The following MX1 variants were observed in gnomAD, a reference collection of about 807,000 sequenced individuals.
The protein encoded by MX1 is MX dynamin like GTPase 1.
A neutral mutation model predicts 66.4 loss-of-function variants in MX1; 66 were observed. That is an observed-to-expected ratio of 0.99 (90% CI 0.82 to 1.22). The LOEUF (loss-of-function observed/expected upper bound fraction) is 1.22, where lower values mean the gene tolerates loss of function less well. Ranked by LOEUF, MX1 falls within the 50% of genes most tolerant of loss-of-function variation. The pLI is 0.00. For synonymous variants in MX1, 311 were observed against 318.1 expected (o/e 0.98, Z 0.24); for missense variants, 787 against 834.3 (o/e 0.94, Z 0.70).
Position 41,452,704 on chromosome 21 carries a change from C to T in MX1, c.1593C>T (p.Val531=). 1.2e-6 allele frequency: 2 copies of T among 1,614,180 alleles called. No individual in the cohort carries two copies. Residue 531 remains valine (V), a synonymous_variant, in exon 16 of 17, where the codon GTC becomes GTT. Coordinates refer to ENST00000398598, the MANE Select transcript of MX1 (RefSeq NM_002462.5). ...IRLHFQMEQI[V]YCQDQVYRGA... ...TCCACTTCCAGATGGAACAGATTGT[C>T]TACTGCCAGGACCAGGTATACAGGG...
At chr21:41,456,064 A>G (rs770410462) in intron 16 of MX1, among the ~76,000 whole-genome samples, 33 of 152,160 alleles carry the variant, frequency 2.2e-4, no homozygotes, top group Non-Finnish European at 1.3e-4. Flanking sequence ...CAACATGGCG[A>G]AACCCGGTCT....
In MX1 at chr21:41,441,947, C is replaced by T. The variant is rs1159354467; in HGVS notation, c.929+33C>T. The T allele has an allele frequency of 6.2e-7, 1 of 1,611,314 alleles. No homozygotes were observed. Among genetic ancestry groups the T allele is most frequent in the Non-Finnish European group, 8.5e-7 (1 of 1,177,712 alleles). On this transcript the variant is annotated intron_variant, in intron 10 of 16. Transcript: ENST00000398598. This position sits in a 1 kb window ranked among gnomAD's most constrained non-coding sequence, Gnocchi z 4.0. ...TGCCTGGGTTTCATCATGGATCAGT[C>T]CAAGCCCAGGATGTCAGGCCTTCCA... is the stretch of plus-strand genomic sequence containing the variant.
chr21:41,434,103 T>C (rs2090296479), intron 5 of MX1, among the ~76,000 whole-genome samples: 1 of 152,220 alleles, frequency 6.6e-6, no homozygotes, highest in South Asian at 2.1e-4. Context: ...GAATAGCTTC[T>C]TGTCCTGTTA....
Position 41,436,076 on chromosome 21 carries a change from A to C in MX1, c.298+47A>C, listed in dbSNP as rs111436261. ...TAGTCTGCTCAGGCTGCCATAACAA[A>C]ATACCACAGACAGGGTGGCTTATAC... On this transcript the variant is annotated intron_variant, in intron 6 of 16. Transcript: ENST00000398598. 15 of 1,593,902 alleles carry C rather than the reference A, an allele frequency of 9.4e-6. 1 individual carries two copies. Among genetic ancestry groups the C allele is most frequent in the African/African-American group, 4.0e-5 (3 of 74,540 alleles).
At position 41,454,572 on chromosome 21, in the gene MX1, G is replaced by C. The variant is rs115275028; in HGVS notation, c.1758+1703G>C. Among the ~76,000 whole-genome samples, 684 of 152,278 alleles carry C rather than the reference G, an allele frequency of 4.5e-3. 5 individuals carry two copies. Among genetic ancestry groups the C allele is most frequent in the African/African-American group, 0.015 (644 of 41,566 alleles). The stretch of plus-strand genomic sequence containing the variant: ...CAACAATTTCCTTAGTGCAGCATTG[G>C]AATGCAATGGTAGCAGACTAAATGG... On this transcript the variant is annotated intron_variant, in intron 16 of 16. Coordinates refer to ENST00000398598, the MANE Select transcript of MX1 (RefSeq NM_002462.5).
chr21:41,439,813 G>A lies in MX1; in HGVS notation c.556G>A (p.Ala186Thr). ...AGACCTTCCTGGCATAACCAGAGTGGCTGTGGGCAATCAGCCTGCTGACAT... is the reference window on the plus strand; with the variant it reads ...AGACCTTCCTGGCATAACCAGAGTGACTGTGGGCAATCAGCCTGCTGACAT... Reference protein sequence around the residue: ...LIDLPGITRVAVGNQPADIGY... With the variant: ...LIDLPGITRVTVGNQPADIGY... Residue 186 changes from alanine to threonine, a missense_variant, in exon 8 of 17, where the codon GCT becomes ACT. By Grantham distance (58) the Ala-to-Thr change is moderately conservative. Transcript: ENST00000398598. 1 of 1,613,976 alleles carries A rather than the reference G, an allele frequency of 6.2e-7. No individual in the cohort carries two copies. Among genetic ancestry groups the A allele is most frequent in the Non-Finnish European group, 8.5e-7 (1 of 1,179,978 alleles).
chr21:41,458,446 C>T, intron 16 of MX1, 82 bp from the exon 17 acceptor site: 1 of 1,514,238 alleles, frequency 6.6e-7, no homozygotes. Flanking sequence ...AATCTGGATC[C>T]CCTCATGTGC....
chr21:41,446,187 T>C, intron 13 of MX1, 46 bp downstream of exon 13: 1 of 1,503,674 alleles, frequency 6.7e-7, no homozygotes, highest in Non-Finnish European at 9.2e-7. Flanking sequence ...ACCGAATACC[T>C]GAGACTGGGT....
intron 12 of MX1, 145 bp downstream of exon 12, chr21:41,445,715 G>C: frequency 5.9e-6 from 7 of 1,188,672 alleles, no homozygotes; most frequent in Non-Finnish European, 8.2e-6. Flanking sequence ...GGACAGGGCT[G>C]AGGGAGGCAG....
chr21:41,421,139 CT>C (rs571803255), intron 1 of MX1, among the ~76,000 whole-genome samples: 20 of 152,198 alleles, frequency 1.3e-4, no homozygotes, highest in Non-Finnish European at 2.8e-4. Flanking sequence ...GAACAAAGGT[CT>C]TTGCATCATA....
rs548095225 is a variant in MX1, at chr21:41,427,738, C to T, written c.-209-17C>T. Reference sequence around the variant, plus strand: ...ACCCCCTGACAACCCTGGATGCCACCTTTACCCTCACTGCAGGAATTCTGT... The same window carrying T: ...ACCCCCTGACAACCCTGGATGCCACTTTTACCCTCACTGCAGGAATTCTGT... On this transcript the variant is annotated splice_polypyrimidine_tract_variant and intron_variant, in intron 2 of 16. Transcript: ENST00000398598. 1 of 152,372 alleles carries T rather than the reference C, an allele frequency of 6.6e-6. No individual in the cohort carries two copies. Among genetic ancestry groups the T allele is most frequent in the Non-Finnish European group, 1.5e-5 (1 of 68,248 alleles). The allele number at this position is 152,372 out of a possible 1,614,324, so 9.4% of individuals were successfully genotyped here. A position where few individuals can be genotyped will look rare whatever the true frequency, so the allele number is the denominator to read the frequency against.
rs1415408482 is a variant in MX1, at chr21:41,436,011, G to A, written c.280G>A (p.Ala94Thr). 6.2e-7 allele frequency: 1 copy of A among 1,614,046 alleles called. No homozygotes were observed. Among genetic ancestry groups the A allele is most frequent in the East Asian group, 2.2e-5 (1 of 44,898 alleles). Reference sequence around the variant, plus strand: ...CGTGTTGGAGGCACTGTCAGGAGTTGCCCTTCCCAGAGGCAGCGGTAAGAA... The same window carrying A: ...CGTGTTGGAGGCACTGTCAGGAGTTACCCTTCCCAGAGGCAGCGGTAAGAA... ...SSVLEALSGVALPRGSGIVTR... is the reference protein window; with the variant it reads ...SSVLEALSGVTLPRGSGIVTR... The change falls in exon 6 of 17, where the codon GCC becomes ACC. Residue 94 changes from alanine (A) to threonine (T), a missense_variant. Coordinates refer to ENST00000398598, the MANE Select transcript of MX1 (RefSeq NM_002462.5).
At chr21:41,436,061 A>C (rs773396227) in intron 6 of MX1, 32 bp downstream of exon 6, 1 of 1,600,972 alleles carries the variant, frequency 6.2e-7, no homozygotes, top group South Asian at 1.1e-5. Flanking sequence ...TAGTCTGCTC[A>C]GGCTGCCATA....
chr21:41,452,870 G>A lies in MX1; in HGVS notation c.1758+1G>A. 6.2e-7 allele frequency: 1 copy of A among 1,613,858 alleles called. No homozygotes were observed. Among genetic ancestry groups the A allele is most frequent in the Non-Finnish European group, 8.5e-7 (1 of 1,179,886 alleles). ...TCAGCACCTGATGGCCTATCACCAG[G>A]TACGTCTTCGCGTGGTTCAGGATGC... On this transcript the variant is annotated splice_donor_variant, in intron 16 of 16. Transcript: ENST00000398598. LOFTEE classifies it high-confidence loss of function.
Position 41,427,300 on chromosome 21 carries a change from C to T in MX1, c.-214C>T, listed in dbSNP as rs2090090274. On this transcript the variant is annotated 5_prime_UTR_variant, in exon 2 of 17. Coordinates refer to ENST00000398598, the MANE Select transcript of MX1 (RefSeq NM_002462.5). Reference sequence around the variant, plus strand: ...CCCACCTGCTCACCCAGCTCAGGGGCTTTGGTAGGTAGCAGTGCATTTGGT... The same window carrying T: ...CCCACCTGCTCACCCAGCTCAGGGGTTTTGGTAGGTAGCAGTGCATTTGGT... 6.6e-6 allele frequency: 1 copy of T among 152,320 alleles called. No individual in the cohort carries two copies. The highest frequency in any genetic ancestry group is 2.4e-5 in the African/African-American group (1 of 41,566). The allele number at this position is 152,320 out of a possible 1,614,324, so 9.4% of individuals were successfully genotyped here.
At chr21:41,435,014 T>G (rs747376138) in intron 5 of MX1, among the ~76,000 whole-genome samples, 1 of 152,250 alleles carries the variant, frequency 6.6e-6, no homozygotes, top group Non-Finnish European at 1.5e-5. Context: ...TTTGCCTTCA[T>G]TTTTAAAAGT....
chr21:41,421,390 T>C (rs927670024), upstream of MX1: 9 of 152,404 alleles, frequency 5.9e-5, no homozygotes, highest in Admixed American at 1.3e-4. Context: ...CTTCCTCTTA[T>C]ATTAATCCTC....
At position 41,445,234 on chromosome 21, in the gene MX1, G is replaced by A. The variant is rs545372762; in HGVS notation, c.1009-214G>A. Among the ~76,000 whole-genome samples the A allele has an allele frequency of 1.3e-4, 20 of 152,268 alleles. No individual in the cohort carries two copies. In the East Asian group the frequency reaches 2.5e-3, roughly 19 times the overall value. On this transcript the variant is annotated intron_variant, in intron 11 of 16. Transcript: ENST00000398598. ...CAGTGCTGCTCATGAGGCTGCTGTC[G>A]CAGGAGTGGGGAAGGGGGAAGACCT...
At chr21:41,429,362 ATCTACTCACCAAG>A (rs1476074971) in intron 3 of MX1, 1 of 152,214 alleles carries the variant, frequency 6.6e-6, no homozygotes, top group Non-Finnish European at 1.5e-5. Flanking sequence ...AGGGAAGGGA[ATCTACTCACCAAG>A]TCCTGTTTCA....
Sources: gnomAD v4.1 joint callset for allele counts (sites outside exome capture counted in the v4.1 genomes callset) on GRCh38, gnomAD v4.1.1 for gene constraint, Gnocchi (gnomAD v3.1) non-coding constraint, MANE v1.5 for transcripts, NCBI Gene and HGNC (gene_info 2026-07-23, HGNC 2026-07-21) for gene names.